Variants in AGMO observed in about 807,000 individuals in gnomAD.
AGMO encodes the protein alkylglycerol monooxygenase, also known as glyceryl-ether monooxygenase.
Under a neutral mutation model 60.2 loss-of-function variants are expected in AGMO, and 75 were observed. The observed-to-expected ratio is 1.25, with a 90% CI of 1.03 to 1.51. The LOEUF (loss-of-function observed/expected upper bound fraction) is 1.51. AGMO is among the 40% of genes most tolerant of loss of function. AGMO has a pLI of 0.00. For missense variants in AGMO, 763 were observed against 525.5 expected (o/e 1.45, Z -4.42); for synonymous variants, 261 against 177.1 (o/e 1.47, Z -3.76).
At chr7:15,434,397 C>G (rs1341223175) in intron 3 of AGMO, among the ~76,000 whole-genome samples, 1 of 152,098 alleles carries the variant, frequency 6.6e-6, no homozygotes. Flanking sequence ...AGAAATTTAG[C>G]AAAGATGATG....
At chr7:15,143,097 T>C in the AGMO span, among the ~76,000 whole-genome samples, 1 of 152,212 alleles carries the variant, frequency 6.6e-6, no homozygotes, top group African/African-American at 2.4e-5. Flanking sequence ...TTTTCCCTGG[T>C]TTCTCTTCTA....
At chr7:15,317,710 T>C (rs1158420935) in intron 12 of AGMO, among the ~76,000 whole-genome samples, 1 of 151,932 alleles carries the variant, frequency 6.6e-6, no homozygotes, top group Non-Finnish European at 1.5e-5. Flanking sequence ...TCAGAAGTGA[T>C]TTAATTCAAG....
intron 10 of AGMO, among the ~76,000 whole-genome samples, chr7:15,384,815 CTCTTT>C (rs1296772522): frequency 7.7e-4 from 47 of 60,778 alleles, no homozygotes; most frequent in African/African-American, 2.9e-3. Flanking sequence ...ACCTGTTTTT[CTCTTT>C]TTTTTTTTTT....
intron 2 of AGMO, among the ~76,000 whole-genome samples, chr7:15,557,544 G>C (rs973140609): frequency 6.6e-6 from 1 of 151,708 alleles, no homozygotes; most frequent in Admixed American, 6.6e-5. Context: ...GGGATTGAGA[G>C]GAATGGATCC....
intron 3 of AGMO, among the ~76,000 whole-genome samples, chr7:15,455,468 G>C (rs1019271538): frequency 6.6e-6 from 1 of 151,982 alleles, no homozygotes; most frequent in Admixed American, 6.6e-5. Flanking sequence ...TTCCTAGTAG[G>C]ATTTCCCTCC....
intron 4 of AGMO, among the ~76,000 whole-genome samples, chr7:15,426,745 C>CA (rs1034015776): frequency 3.6e-3 from 519 of 145,990 alleles, no homozygotes; most frequent in African/African-American, 0.012. Context: ...GACAATTTGT[C>CA]AAAAAAAAAA....
chr7:15,194,711 T>C, the AGMO span, among the ~76,000 whole-genome samples: 1 of 152,174 alleles, frequency 6.6e-6, no homozygotes, highest in Non-Finnish European at 1.5e-5. Context: ...TATGGAGTTA[T>C]TAATTTGGTG....
At chr7:15,182,514 C>G in the AGMO span, among the ~76,000 whole-genome samples, 1 of 152,154 alleles carries the variant, frequency 6.6e-6, no homozygotes, top group Non-Finnish European at 1.5e-5. Context: ...CTCCTGGGCT[C>G]AAGCGATCCT....
At chr7:15,489,424 A>C (rs1783010438) in intron 3 of AGMO, among the ~76,000 whole-genome samples, 1 of 152,136 alleles carries the variant, frequency 6.6e-6, no homozygotes, top group South Asian at 2.1e-4. Context: ...TTGTTATATT[A>C]TTGCAGAGTC....
the AGMO span, among the ~76,000 whole-genome samples, chr7:15,145,974 T>G: frequency 1.3e-5 from 2 of 152,150 alleles, no homozygotes; most frequent in African/African-American, 4.8e-5. Context: ...GTTAAAATGT[T>G]TACGCAATTA....
intron 12 of AGMO, among the ~76,000 whole-genome samples, chr7:15,333,621 AAG>A (rs1181170271): frequency 6.6e-6 from 1 of 151,094 alleles, no homozygotes; most frequent in Non-Finnish European, 1.5e-5. Flanking sequence ...AAAAAAAAGA[AAG>A]AAAAAAAATA....
chr7:15,538,613 G>A (rs1784538333), intron 3 of AGMO, among the ~76,000 whole-genome samples: 1 of 152,028 alleles, frequency 6.6e-6, no homozygotes, highest in African/African-American at 2.4e-5. Flanking sequence ...GTATATTCTG[G>A]TATCAAAAAA....
the AGMO span, among the ~76,000 whole-genome samples, chr7:15,188,796 A>G: frequency 6.6e-6 from 1 of 152,166 alleles, no homozygotes; most frequent in Non-Finnish European, 1.5e-5. Context: ...TGCTACTGAG[A>G]AGACAAAACA....
chr7:15,536,761 T>C (rs1005843139), intron 3 of AGMO, among the ~76,000 whole-genome samples: 4 of 152,088 alleles, frequency 2.6e-5, no homozygotes, highest in Non-Finnish European at 5.9e-5. Flanking sequence ...GAAATAAATA[T>C]CTAAGCTGAT....
At chr7:15,498,405 A>G (rs1198629294) in intron 3 of AGMO, among the ~76,000 whole-genome samples, 1 of 152,028 alleles carries the variant, frequency 6.6e-6, no homozygotes, top group Non-Finnish European at 1.5e-5. Context: ...TTACTCTGCT[A>G]ACTTACATTG....
chr7:15,128,654 C>T, the AGMO span, among the ~76,000 whole-genome samples: 1,003 of 151,926 alleles, frequency 6.6e-3, 9 homozygotes, highest in African/African-American at 0.023. Context: ...TGTGTATGTG[C>T]ATATGTAGAA....
intron 12 of AGMO, among the ~76,000 whole-genome samples, chr7:15,230,622 T>A (rs1043024666): frequency 6.6e-6 from 1 of 152,238 alleles, no homozygotes; most frequent in Non-Finnish European, 1.5e-5. Context: ...ATTTCATTCC[T>A]AGGTCTCTTT....
intron 3 of AGMO, among the ~76,000 whole-genome samples, chr7:15,529,595 C>T (rs370447246): frequency 4.1e-4 from 8 of 19,466 alleles, no homozygotes; most frequent in African/African-American, 1.6e-3. Context: ...AGTATATAAA[C>T]TCTATATATA....
At chr7:15,356,377 A>G (rs2128556923) in intron 12 of AGMO, among the ~76,000 whole-genome samples, 1 of 152,306 alleles carries the variant, frequency 6.6e-6, no homozygotes, top group South Asian at 2.1e-4. Flanking sequence ...CAGGCAACAA[A>G]AAGAATACAT....
Sources: allele counts gnomAD v4.1 joint callset (sites outside exome capture counted in the v4.1 genomes callset), GRCh38; gene constraint gnomAD v4.1.1; transcripts MANE v1.5; gene names NCBI Gene and HGNC (gene_info 2026-07-23, HGNC 2026-07-21).